Variants in MYO7A observed in about 807,000 individuals in gnomAD.
The protein encoded by MYO7A is unconventional myosin-VIIa.
A neutral mutation model predicts 263.8 loss-of-function variants in MYO7A; 210 were observed. That is an observed-to-expected ratio of 0.80 (90% confidence interval 0.71 to 0.89). MYO7A has a LOEUF of 0.89. MYO7A is among the 40% of genes least tolerant of loss of function. The pLI, the probability that MYO7A is intolerant of heterozygous loss-of-function variation, is 0.00. For missense variants in MYO7A, 2,820 were observed against 2,968.3 expected, an observed-to-expected ratio of 0.95 and a Z score of 1.16; for synonymous variants, 1,239 against 1,197.3, an observed-to-expected ratio of 1.03 and a Z score of -0.72.
At chr11:77,136,120 C>CTTCA (rs1248035600) in intron 2 of MYO7A, among the ~76,000 whole-genome samples, 8 of 152,176 alleles carry the variant, frequency 5.3e-5, no homozygotes, top group African/African-American at 1.9e-4. Flanking sequence ...GTGGGAATGT[C>CTTCA]TTCATTTCTC....
chr11:77,203,279 C>T (rs1565470203), intron 38 of MYO7A, 62 bp downstream of exon 38: 1 of 1,513,316 alleles, frequency 6.6e-7, no homozygotes, highest in South Asian at 1.2e-5. Flanking sequence ...TTCGTCTGCA[C>T]ACTGCCTTCC....
chr11:77,211,631 C>A (rs921764133), intron 45 of MYO7A, among the ~76,000 whole-genome samples, 190 bp from the exon 46 acceptor site: 4 of 152,160 alleles, frequency 2.6e-5, no homozygotes, highest in Non-Finnish European at 5.9e-5. Context: ...GGTCGGGAGT[C>A]CATTAGCTGA....
intron 11 of MYO7A, among the ~76,000 whole-genome samples, chr11:77,160,706 G>A (rs1952913069): frequency 1.3e-5 from 2 of 152,158 alleles, no homozygotes; most frequent in African/African-American, 4.8e-5. Context: ...GAGCCCCAAG[G>A]AGGGCTCCTT....
intron 2 of MYO7A, among the ~76,000 whole-genome samples, chr11:77,141,633 C>T (rs1348781119): frequency 6.6e-6 from 1 of 152,220 alleles, no homozygotes; most frequent in East Asian, 1.9e-4. Context: ...AGCTCCCTCT[C>T]GCCCATCAGG....
intron 2 of MYO7A, 58 bp from the exon 3 acceptor site, chr11:77,142,651 G>C (rs1951290142): frequency 6.9e-7 from 1 of 1,442,006 alleles, no homozygotes; most frequent in Admixed American, 1.9e-5. Context: ...GGGCTGCCTG[G>C]AAGGGGCTCC....
At chr11:77,172,727 C>T (rs567759274) in intron 15 of MYO7A, 21 bp from the exon 16 acceptor site, 23 of 1,549,206 alleles carry the variant, frequency 1.5e-5, no homozygotes, top group Admixed American at 3.9e-5. Context: ...CCCCTCCCAT[C>T]GCTGCCGTCC....
intron 15 of MYO7A, among the ~76,000 whole-genome samples, chr11:77,166,475 G>C (rs1302989673): frequency 6.6e-6 from 1 of 152,188 alleles, no homozygotes; most frequent in Non-Finnish European, 1.5e-5. Context: ...GCTAAAGAGA[G>C]CATGGGCAGA....
At chr11:77,163,025 C>T (rs375682833) in intron 14 of MYO7A, 37 bp downstream of exon 14, 109 of 1,607,668 alleles carry the variant, frequency 6.8e-5, no homozygotes, top group South Asian at 5.5e-4. Flanking sequence ...ACTCCCTGCC[C>T]GTGGCCCTGC....
At chr11:77,212,525 G>A (rs1591511503) in intron 46 of MYO7A, 1 of 341,502 alleles carries the variant, frequency 2.9e-6, no homozygotes, top group South Asian at 2.4e-5. Context: ...CTCAGGCTGC[G>A]GGTGGAGGAG....
chr11:77,209,749 CCTT>C (rs1565485582), intron 44 of MYO7A, among the ~76,000 whole-genome samples: 1 of 152,220 alleles, frequency 6.6e-6, no homozygotes, highest in East Asian at 1.9e-4. Flanking sequence ...GAGGCAGTGA[CCTT>C]CTCCCTGTTC....
intron 14 of MYO7A, 47 bp downstream of exon 14, chr11:77,163,035 C>T (rs1555070363): frequency 1.2e-6 from 2 of 1,602,352 alleles, no homozygotes; most frequent in Admixed American, 3.4e-5. Flanking sequence ...CGTGGCCCTG[C>T]CTTCCCCTGC....
intron 7 of MYO7A, 34 bp downstream of exon 7, chr11:77,157,038 C>T (rs1555063389): frequency 1.1e-5 from 17 of 1,602,764 alleles, no homozygotes; most frequent in Non-Finnish European, 1.4e-5. Flanking sequence ...AGGAATAGAC[C>T]CAGGCCCCTG....
At chr11:77,199,849 A>C in intron 35 of MYO7A, 31 bp downstream of exon 35, 2 of 1,549,642 alleles carry the variant, frequency 1.3e-6, no homozygotes, top group Non-Finnish European at 1.8e-6. Context: ...ACTGCCTGGC[A>C]CTGGGGGTCA....
intron 19 of MYO7A, among the ~76,000 whole-genome samples, chr11:77,178,150 C>T (rs1452946898): frequency 1.3e-5 from 2 of 149,436 alleles, no homozygotes; most frequent in Non-Finnish European, 3.0e-5. Context: ...TCCACTCGTC[C>T]ACCCACCTAC....
At chr11:77,209,647 T>C (rs1024331645) in intron 44 of MYO7A, among the ~76,000 whole-genome samples, 2 of 151,956 alleles carry the variant, frequency 1.3e-5, no homozygotes, top group Non-Finnish European at 2.9e-5. Context: ...ACCTGATGAC[T>C]GTACCTCCTG....
At chr11:77,209,051 C>T in intron 44 of MYO7A, 1 of 530,528 alleles carries the variant, frequency 1.9e-6, no homozygotes, top group African/African-American at 1.9e-5. Context: ...CCTGTTCAGG[C>T]CCCTCCTTCA....
rs375200566 is a variant in MYO7A at position 77,157,301 on chromosome 11, A to G, written c.758A>G (p.His253Arg). Residue 253 changes from histidine to arginine, a missense_variant, in exon 8 of 49, where the codon CAC (histidine) becomes CGC (arginine). His to Arg is a conservative substitution (Grantham distance 29). Transcript: ENST00000409709. Reference protein sequence around the residue: ...CRQALDERNYHVFYCMLEGMS... With the variant: ...CRQALDERNYRVFYCMLEGMS... Reference sequence around the variant, plus strand: ...CAGGCCCTGGATGAAAGGAACTACCACGTGTTCTACTGCATGCTGGAGGGT... The same window carrying G: ...CAGGCCCTGGATGAAAGGAACTACCGCGTGTTCTACTGCATGCTGGAGGGT... 7.2e-5 allele frequency: 116 copies of G among 1,611,582 alleles called. No homozygotes were observed. The highest frequency in any genetic ancestry group is 6.9e-4 in the African/African-American group (52 of 75,002).
intron 15 of MYO7A, among the ~76,000 whole-genome samples, chr11:77,166,797 C>T (rs1021193084): frequency 5.3e-5 from 8 of 152,224 alleles, no homozygotes; most frequent in African/African-American, 1.9e-4. Flanking sequence ...ACCACCAAGG[C>T]ATCACAGAGC....
chr11:77,211,181 C>T lies in MYO7A; in HGVS notation c.6081C>T (p.His2027=), dbSNP rs749713674. ...TGCCCAAGTATCTCCGAGGCTACCA[C>T]AAGTGCACGCGGGAGGAGGTGCTGC... The part of the protein sequence containing the change: ...QELPKYLRGY[H]KCTREEVLQL... The change falls in exon 45 of 49, where the codon CAC becomes CAT. Residue 2027 remains histidine, a synonymous_variant. Coordinates refer to ENST00000409709, the MANE Select transcript of MYO7A (RefSeq NM_000260.4). The T allele has an allele frequency of 6.3e-7, 1 of 1,591,470 alleles. No individual in the cohort carries two copies. The highest frequency in any genetic ancestry group is 8.6e-7 in the Non-Finnish European group (1 of 1,169,158).
Sources: allele counts gnomAD v4.1 joint callset (sites outside exome capture counted in the v4.1 genomes callset), GRCh38; gene constraint gnomAD v4.1.1; transcripts MANE v1.5; gene names NCBI Gene and HGNC (gene_info 2026-07-23, HGNC 2026-07-21).